The following CTNNA3 variants were observed in gnomAD, a reference collection of about 807,000 sequenced individuals.
CTNNA3 encodes catenin alpha-3.
In CTNNA3, 76 loss-of-function variants were observed where a neutral mutation model predicts 95.7. The observed-to-expected ratio is 0.79, with a 90% CI of 0.66 to 0.96. The LOEUF is 0.96. Among genes scored for constraint, CTNNA3 ranks in the 40% least tolerant of loss-of-function variants. CTNNA3 has a pLI of 0.00. For missense variants in CTNNA3, 1,191 were observed against 1,089.8 expected (o/e 1.09, Z -1.31); for synonymous variants, 431 against 374.4 (o/e 1.15, Z -1.74).
At chr10:67,560,014 G>C (rs948180543) in intron 3 of CTNNA3, among the ~76,000 whole-genome samples, 1 of 152,166 alleles carries the variant, frequency 6.6e-6, no homozygotes, top group African/African-American at 2.4e-5. Flanking sequence ...CGTCTGATTG[G>C]TGTACCTGAA....
intron 13 of CTNNA3, among the ~76,000 whole-genome samples, chr10:66,123,284 C>G (rs2082665595): frequency 6.6e-6 from 1 of 152,160 alleles, no homozygotes; most frequent in African/African-American, 2.4e-5. Flanking sequence ...AGCGTGAAAT[C>G]CAGCAGGGAA....
chr10:66,685,996 C>T (rs1847282478), intron 9 of CTNNA3, among the ~76,000 whole-genome samples: 1 of 152,118 alleles, frequency 6.6e-6, no homozygotes, highest in African/African-American at 2.4e-5. Flanking sequence ...ATTTGATCTA[C>T]TTATATAACA....
In CTNNA3 at chr10:66,608,301, C is replaced by G. The variant is rs2605501; in HGVS notation, c.1374+13391G>C. ...CACTGCTCAAAGAAATCAGAGATGA[C>G]ACAAACAAATGGCGAAACGTCCCAT... On this transcript the variant is annotated intron_variant, in intron 10 of 17. Coordinates refer to ENST00000433211, the MANE Select transcript of CTNNA3 (RefSeq NM_013266.4). Among the ~76,000 whole-genome samples the G allele has an allele frequency of 3.3e-3, 509 of 152,084 alleles. 6 individuals are homozygous for G. The highest frequency in any genetic ancestry group is 0.012 in the African/African-American group (488 of 41,524).
At chr10:66,670,758 C>T (rs758790998) in intron 9 of CTNNA3, among the ~76,000 whole-genome samples, 5 of 152,124 alleles carry the variant, frequency 3.3e-5, no homozygotes, top group Non-Finnish European at 7.4e-5. Flanking sequence ...TTGATTATAA[C>T]CAGGAATGGG....
At chr10:66,353,341 T>A (rs1025413854) in intron 12 of CTNNA3, among the ~76,000 whole-genome samples, 1 of 152,130 alleles carries the variant, frequency 6.6e-6, no homozygotes, top group Non-Finnish European at 1.5e-5. Context: ...ATGGGCACAA[T>A]TGTAAATTCA....
At chr10:67,020,150 G>A (rs991795611) in intron 7 of CTNNA3, among the ~76,000 whole-genome samples, 2 of 152,106 alleles carry the variant, frequency 1.3e-5, no homozygotes, top group African/African-American at 4.8e-5. Context: ...CAGAATTATA[G>A]TATTTTTTAT....
intron 7 of CTNNA3, among the ~76,000 whole-genome samples, chr10:66,950,850 G>A (rs1848502595): frequency 6.6e-6 from 1 of 152,090 alleles, no homozygotes; most frequent in Admixed American, 6.6e-5. Flanking sequence ...CACAGTGCAG[G>A]GAGTTTGGTC....
chr10:66,987,119 G>T lies in CTNNA3; in HGVS notation c.1047+193198C>A, dbSNP rs61866229. Among the ~76,000 whole-genome samples the T allele has an allele frequency of 7.5e-3, 1,137 of 152,310 alleles. 6 individuals are homozygous for T. The highest frequency in any genetic ancestry group is 0.012 in the Non-Finnish European group (813 of 68,032). ...TTAGCATTTTAGAGGACAGCAAGCA[G>T]GCAAAGTTGTCTAGAGCCACGTGCG... On this transcript the variant is annotated intron_variant, in intron 7 of 17. Transcript: ENST00000433211.
chr10:67,027,601 A>C (rs570495620), intron 7 of CTNNA3, among the ~76,000 whole-genome samples: 1 of 151,696 alleles, frequency 6.6e-6, no homozygotes, highest in African/African-American at 2.4e-5. Flanking sequence ...TGCCCAGCTA[A>C]CTTTTTTGTA....
intron 14 of CTNNA3, among the ~76,000 whole-genome samples, chr10:66,077,049 T>C (rs556586241): frequency 2.9e-4 from 44 of 151,920 alleles, no homozygotes; most frequent in African/African-American, 9.6e-4. Flanking sequence ...AAACTGAGTA[T>C]TAAGGAAAAT....
intron 10 of CTNNA3, among the ~76,000 whole-genome samples, chr10:66,532,310 A>T (rs1171318500): frequency 6.6e-6 from 1 of 152,030 alleles, no homozygotes; most frequent in Admixed American, 6.5e-5. Flanking sequence ...AAAATACAAA[A>T]AATTAGCCGG....
At chr10:66,761,643 T>G (rs1032618011) in intron 9 of CTNNA3, among the ~76,000 whole-genome samples, 1 of 152,168 alleles carries the variant, frequency 6.6e-6, no homozygotes, top group Non-Finnish European at 1.5e-5. Flanking sequence ...TTAATCATAA[T>G]AGCCTTTTTA....
At chr10:67,081,394 T>C (rs1408799965) in intron 7 of CTNNA3, among the ~76,000 whole-genome samples, 3 of 152,198 alleles carry the variant, frequency 2.0e-5, no homozygotes, top group African/African-American at 7.2e-5. Context: ...AACTTACTAT[T>C]TCAGGAAACA....
At chr10:66,632,041 T>C (rs1305397046) in intron 9 of CTNNA3, among the ~76,000 whole-genome samples, 1 of 152,102 alleles carries the variant, frequency 6.6e-6, no homozygotes, top group Non-Finnish European at 1.5e-5. Context: ...TATGTGTGCA[T>C]ATCTATAGAT....
chr10:66,569,729 T>C (rs527559379), intron 10 of CTNNA3, among the ~76,000 whole-genome samples: 1 of 152,290 alleles, frequency 6.6e-6, no homozygotes, highest in South Asian at 2.1e-4. Context: ...TCAGCTATTA[T>C]CTACACTGAC....
At chr10:66,762,966 T>C (rs529015194) in intron 9 of CTNNA3, among the ~76,000 whole-genome samples, 2 of 152,204 alleles carry the variant, frequency 1.3e-5, no homozygotes, top group South Asian at 4.1e-4. Context: ...TGATAATAGC[T>C]TTTTCTCAAA....
intron 7 of CTNNA3, among the ~76,000 whole-genome samples, chr10:66,870,179 C>G (rs977277668): frequency 2.0e-5 from 3 of 151,810 alleles, no homozygotes; most frequent in African/African-American, 7.3e-5. Context: ...TTTGGTGTCT[C>G]CTATAAACTG....
intron 5 of CTNNA3, among the ~76,000 whole-genome samples, chr10:67,474,314 G>T (rs1190391438): frequency 1.3e-5 from 2 of 152,108 alleles, no homozygotes; most frequent in African/African-American, 2.4e-5. Context: ...AGGCCATCAG[G>T]GTGGACCCTA....
intron 5 of CTNNA3, among the ~76,000 whole-genome samples, chr10:67,347,792 T>A (rs544330023): frequency 1.4e-5 from 2 of 147,062 alleles, no homozygotes; most frequent in South Asian, 4.3e-4. Flanking sequence ...AAAGAATTTA[T>A]ATGATGCATC....
Sources: allele counts gnomAD v4.1 joint callset (sites outside exome capture counted in the v4.1 genomes callset), GRCh38; gene constraint gnomAD v4.1.1; transcripts MANE v1.5; gene names NCBI Gene and HGNC (gene_info 2026-07-23, HGNC 2026-07-21).